Variants in GDF15 observed in about 807,000 individuals in gnomAD.
GDF15 encodes the protein growth/differentiation factor 15.
A neutral mutation model predicts 8.9 loss-of-function variants in GDF15; 10 were observed. That is an observed-to-expected ratio of 1.12 (90% CI 0.69 to 1.90). The LOEUF (loss-of-function observed/expected upper bound fraction) is 1.90. GDF15 is among the 40% of genes most tolerant of loss of function. The pLI is 0.00. For synonymous variants in GDF15, 228 were observed against 210.6 expected, an observed-to-expected ratio of 1.08 and a Z score of -0.72; for missense variants, 452 against 434.2, an observed-to-expected ratio of 1.04 and a Z score of -0.36.
rs751869658 is a variant in GDF15, at chr19:18,388,521, A to G, written c.513A>G (p.Ala171=). 1.1e-5 allele frequency: 17 copies of G among 1,600,154 alleles called. No homozygotes were observed. Among genetic ancestry groups the G allele is most frequent in the Non-Finnish European group, 1.3e-5 (15 of 1,175,804 alleles). ...PPPSQSDQLL[A]ESSSARPQLE... ...CGTCGCAGTCGGACCAACTGCTGGC[A>G]GAATCTTCGTCCGCACGGCCCCAGC... Residue 171 remains alanine (A), a synonymous_variant, in exon 2 of 2, where the codon GCA becomes GCG. Coordinates refer to ENST00000252809, the MANE Select transcript of GDF15 (RefSeq NM_004864.4). This position sits in a 1 kb window ranked among gnomAD's most constrained non-coding sequence, Gnocchi z 4.2.
rs754659172 is a variant in GDF15, at chr19:18,388,529, C to T, written c.521C>T (p.Ser174Leu). Residue 174 changes from serine to leucine, a missense_variant, in exon 2 of 2, where the codon TCG becomes TTG. Ser to Leu is a moderately radical substitution (Grantham distance 145). Transcript: ENST00000252809. This position sits in a 1 kb window ranked among gnomAD's most constrained non-coding sequence, Gnocchi z 4.2. ...SQSDQLLAES[S>L]SARPQLELHL... is the part of the protein sequence containing the mutation. ...TCGGACCAACTGCTGGCAGAATCTT[C>T]GTCCGCACGGCCCCAGCTGGAGTTG... The T allele has an allele frequency of 1.1e-5, 17 of 1,598,058 alleles. No homozygotes were observed. The highest frequency in any genetic ancestry group is 4.5e-5 in the East Asian group (2 of 44,294).
In GDF15 at chr19:18,386,294, G is replaced by A. The variant is rs779481233; in HGVS notation, c.105G>A (p.Ala35=). ...PHGGALSLAE[A]SRASFPGPSE... ...GGGGCGCCCTGTCTCTGGCCGAGGC[G>A]AGCCGCGCAAGTTTCCCGGGACCCT... The change falls in exon 1 of 2, where the codon GCG becomes GCA. Residue 35 remains alanine, a synonymous_variant. Transcript: ENST00000252809. 29 of 1,613,988 alleles carry A rather than the reference G, an allele frequency of 1.8e-5. No homozygotes were observed. The African/African-American group carries it at 3.2e-4, about 18-fold the overall frequency.
chr19:18,386,664 T>A (rs1404996367), intron 1 of GDF15, 198 bp downstream of exon 1: 1 of 594,936 alleles, frequency 1.7e-6, no homozygotes, highest in Admixed American at 3.0e-5. Context: ...TGGGAGGTTA[T>A]AACCTGTCCC....
In GDF15 at chr19:18,388,321, A is replaced by G. The variant is rs1971854768; in HGVS notation, c.313A>G (p.Ile105Val). The change falls in exon 2 of 2, where the codon ATC becomes GTC. Residue 105 changes from isoleucine (I) to valine (V), a missense_variant. Transcript: ENST00000252809. This position sits in a 1 kb window ranked among gnomAD's most constrained non-coding sequence, Gnocchi z 4.2. ...LGSGGHLHLR[I>V]SRAALPEGLP... ...ATCCGGCGGCCACCTGCACCTGCGTATCTCTCGGGCCGCCCTTCCCGAGGG... is the reference window on the plus strand; with the variant it reads ...ATCCGGCGGCCACCTGCACCTGCGTGTCTCTCGGGCCGCCCTTCCCGAGGG... 1 of 1,610,626 alleles carries G rather than the reference A, an allele frequency of 6.2e-7. No individual in the cohort carries two copies. The highest frequency in any genetic ancestry group is 1.1e-5 in the South Asian group (1 of 90,926).
Position 18,388,392 on chromosome 19 carries a change from C to G in GDF15, c.384C>G (p.Ser128=), listed in dbSNP as rs1032127012. ...SRLHRALFRL[S]PTASRSWDVT... ...TTCACCGGGCTCTGTTCCGGCTGTC[C>G]CCGACGGCGTCAAGGTCGTGGGACG... is the stretch of plus-strand genomic sequence containing the variant. Residue 128 remains serine (S), a synonymous_variant, in exon 2 of 2, where the codon TCC becomes TCG. Transcript: ENST00000252809. The surrounding 1 kb of genome is among the most constrained non-coding windows in gnomAD (Gnocchi z 4.2). 7.4e-6 allele frequency: 12 copies of G among 1,611,622 alleles called. No individual in the cohort carries two copies. The highest frequency in any genetic ancestry group is 1.0e-5 in the Non-Finnish European group (12 of 1,179,584).
At position 18,388,333 on chromosome 19, in the gene GDF15, G is replaced by A. The variant is rs769647608; in HGVS notation, c.325G>A (p.Ala109Thr). The change falls in exon 2 of 2, where the codon GCC (alanine) becomes ACC (threonine). Residue 109 changes from alanine to threonine, a missense_variant. Coordinates refer to ENST00000252809, the MANE Select transcript of GDF15 (RefSeq NM_004864.4). This position sits in a 1 kb window ranked among gnomAD's most constrained non-coding sequence, Gnocchi z 4.2. ...CCTGCACCTGCGTATCTCTCGGGCC[G>A]CCCTTCCCGAGGGGCTCCCCGAGGC... Reference protein sequence around the residue: ...GHLHLRISRAALPEGLPEASR... With the variant: ...GHLHLRISRATLPEGLPEASR... The A allele has an allele frequency of 6.2e-7, 1 of 1,610,988 alleles. No homozygotes were observed.
chr19:18,388,708 G>A lies in GDF15; in HGVS notation c.700G>A (p.Glu234Lys). ...GWADWVLSPR[E>K]VQVTMCIGAC... The stretch of plus-strand genomic sequence containing the variant: ...GGCCGATTGGGTGCTGTCGCCACGG[G>A]AGGTGCAAGTGACCATGTGCATCGG... Residue 234 changes from glutamate (E) to lysine (K), a missense_variant, in exon 2 of 2, where the codon GAG (glutamate) becomes AAG (lysine). Transcript: ENST00000252809. This position sits in a 1 kb window ranked among gnomAD's most constrained non-coding sequence, Gnocchi z 4.2. 1 of 1,608,838 alleles carries A rather than the reference G, an allele frequency of 6.2e-7. No individual in the cohort carries two copies. Among genetic ancestry groups the A allele is most frequent in the Non-Finnish European group, 8.5e-7 (1 of 1,178,788 alleles).
In GDF15 at chr19:18,388,581, G is replaced by A. The variant is rs1244193646; in HGVS notation, c.573G>A (p.Gly191=). 1 of 1,599,784 alleles carries A rather than the reference G, an allele frequency of 6.3e-7. No individual in the cohort carries two copies. Among genetic ancestry groups the A allele is most frequent in the Non-Finnish European group, 8.5e-7 (1 of 1,176,604 alleles). The change falls in exon 2 of 2, where the codon GGG becomes GGA. Residue 191 remains glycine, a synonymous_variant. Coordinates refer to ENST00000252809, the MANE Select transcript of GDF15 (RefSeq NM_004864.4). The surrounding 1 kb of genome is among the most constrained non-coding windows in gnomAD (Gnocchi z 4.2). ...ELHLRPQAAR[G]RRRARARNGD... Reference sequence around the variant, plus strand: ...ACTTGCGGCCGCAAGCCGCCAGGGGGCGCCGCAGAGCGCGTGCGCGCAACG... The same window carrying A: ...ACTTGCGGCCGCAAGCCGCCAGGGGACGCCGCAGAGCGCGTGCGCGCAACG...
Position 18,386,395 on chromosome 19 carries a change from C to A in GDF15, c.206C>A (p.Ala69Asp). The A allele has an allele frequency of 6.2e-7, 1 of 1,613,930 alleles. No homozygotes were observed. The highest frequency in any genetic ancestry group is 1.3e-5 in the African/African-American group (1 of 75,052). ...GAGGACCTGCTAACCAGGCTGCGGG[C>A]CAACCAGAGCTGGGAAGATTCGAAC... The part of the protein sequence containing the change: ...RYEDLLTRLR[A>D]NQSWEDSNTD... Residue 69 changes from alanine (A) to aspartate (D), a missense_variant, in exon 1 of 2, where the codon GCC (alanine) becomes GAC (aspartate). Ala to Asp is a moderately radical substitution (Grantham distance 126). Coordinates refer to ENST00000252809, the MANE Select transcript of GDF15 (RefSeq NM_004864.4).
rs1386618349 is a variant in GDF15 at position 18,388,583 on chromosome 19, G to A, written c.575G>A (p.Arg192His). 1.9e-6 allele frequency: 3 copies of A among 1,600,048 alleles called. No individual in the cohort carries two copies. Among genetic ancestry groups the A allele is most frequent in the Non-Finnish European group, 2.5e-6 (3 of 1,176,718 alleles). The change falls in exon 2 of 2, where the codon CGC becomes CAC. Residue 192 changes from arginine to histidine, a missense_variant. Coordinates refer to ENST00000252809, the MANE Select transcript of GDF15 (RefSeq NM_004864.4). The surrounding 1 kb of genome is among the most constrained non-coding windows in gnomAD (Gnocchi z 4.2). The part of the protein sequence containing the change: ...LHLRPQAARG[R>H]RRARARNGDH... ...TTGCGGCCGCAAGCCGCCAGGGGGC[G>A]CCGCAGAGCGCGTGCGCGCAACGGG...
At position 18,386,279 on chromosome 19, in the gene GDF15, GTC is replaced by G; in HGVS notation, c.94_95del (p.Leu32GlyfsTer266). 3.1e-6 allele frequency: 5 copies of G among 1,614,096 alleles called. No individual in the cohort carries two copies. Among genetic ancestry groups the G allele is most frequent in the Non-Finnish European group, 4.2e-6 (5 of 1,180,032 alleles). On this transcript the variant is annotated frameshift_variant, in exon 1 of 2. Coordinates refer to ENST00000252809, the MANE Select transcript of GDF15 (RefSeq NM_004864.4). LOFTEE classifies it high-confidence loss of function. ...CGTGGCTGCCGCATGGGGGCGCCCT[GTC>G]TCTGGCCGAGGCGAGCCGCGCAAGT... ...LSWLPHGGALSLAEASRASFP... is the reference protein window; with the variant it reads ...LSWLPHGGALXLAEASRASFP...
chr19:18,388,550 A>C lies in GDF15; in HGVS notation c.542A>C (p.Glu181Ala). The C allele has an allele frequency of 6.3e-6, 10 of 1,597,700 alleles. No individual in the cohort carries two copies. The highest frequency in any genetic ancestry group is 8.5e-6 in the Non-Finnish European group (10 of 1,175,154). The change falls in exon 2 of 2, where the codon GAG (glutamate) becomes GCG (alanine). Residue 181 changes from glutamate to alanine, a missense_variant. Glu to Ala is a moderately radical substitution (Grantham distance 107). Transcript: ENST00000252809. This position sits in a 1 kb window ranked among gnomAD's most constrained non-coding sequence, Gnocchi z 4.2. ...AESSSARPQL[E>A]LHLRPQAARG... ...TCTTCGTCCGCACGGCCCCAGCTGG[A>C]GTTGCACTTGCGGCCGCAAGCCGCC...
chr19:18,388,674 C>A lies in GDF15; in HGVS notation c.666C>A (p.Asp222Glu). 6.2e-7 allele frequency: 1 copy of A among 1,605,252 alleles called. No individual in the cohort carries two copies. Residue 222 changes from aspartate to glutamate, a missense_variant, in exon 2 of 2, where the codon GAC becomes GAA. Asp to Glu is a conservative substitution (Grantham distance 45, BLOSUM62 2). Transcript: ENST00000252809. This position sits in a 1 kb window ranked among gnomAD's most constrained non-coding sequence, Gnocchi z 4.2. ...ACACGGTCCGCGCGTCGCTGGAAGA[C>A]CTGGGCTGGGCCGATTGGGTGCTGT... ...RLHTVRASLE[D>E]LGWADWVLSP...
chr19:18,387,664 GCA>G (rs1258718189), intron 1 of GDF15, among the ~76,000 whole-genome samples: 2 of 152,000 alleles, frequency 1.3e-5, no homozygotes, highest in Admixed American at 6.6e-5. Flanking sequence ...TGTGTGCCAG[GCA>G]CAGTGTCAAC....
chr19:18,389,148 G>C lies in GDF15; in HGVS notation c.*213G>C. ...AACTGTGTATTTATTTAAAACTCTG[G>C]TGATAAAAATAAAGCTGTCTGAACT... On this transcript the variant is annotated 3_prime_UTR_variant, in exon 2 of 2. Transcript: ENST00000252809. 2 of 459,774 alleles carry C rather than the reference G, an allele frequency of 4.3e-6. No individual in the cohort carries two copies. Among genetic ancestry groups the C allele is most frequent in the Non-Finnish European group, 3.8e-6 (1 of 260,756 alleles). 28.5% of individuals were successfully genotyped at this position (459,774 alleles called of 1,614,324 possible).
chr19:18,386,650 A>T lies in GDF15; in HGVS notation c.277+184A>T, dbSNP rs571510025. 2.9e-4 allele frequency: 174 copies of T among 603,116 alleles called. 1 individual carries two copies. The South Asian group carries it at 3.0e-3, about 10-fold the overall frequency. 37.4% of individuals were successfully genotyped at this position (603,116 alleles called of 1,614,324 possible). ...TAGCCGATGCCTGATTTGCACCCAC[A>T]ACGTGGGAGGTTATAACCTGTCCCC... On this transcript the variant is annotated intron_variant, in intron 1 of 1. Coordinates refer to ENST00000252809, the MANE Select transcript of GDF15 (RefSeq NM_004864.4).
Position 18,388,386 on chromosome 19 carries a change from G to T in GDF15, c.378G>T (p.Arg126=). 6.2e-7 allele frequency: 1 copy of T among 1,611,626 alleles called. No individual in the cohort carries two copies. Among genetic ancestry groups the T allele is most frequent in the Non-Finnish European group, 8.5e-7 (1 of 1,179,674 alleles). ...CCCGCCTTCACCGGGCTCTGTTCCG[G>T]CTGTCCCCGACGGCGTCAAGGTCGT... The part of the protein sequence containing the change: ...EASRLHRALF[R]LSPTASRSWD... The change falls in exon 2 of 2, where the codon CGG becomes CGT. Residue 126 remains arginine (R), a synonymous_variant. Coordinates refer to ENST00000252809, the MANE Select transcript of GDF15 (RefSeq NM_004864.4). This position sits in a 1 kb window ranked among gnomAD's most constrained non-coding sequence, Gnocchi z 4.2.
At position 18,388,602 on chromosome 19, in the gene GDF15, C is replaced by T; in HGVS notation, c.594C>T (p.Arg198=). Residue 198 remains arginine (R), a synonymous_variant, in exon 2 of 2, where the codon CGC becomes CGT. Transcript: ENST00000252809. The surrounding 1 kb of genome is among the most constrained non-coding windows in gnomAD (Gnocchi z 4.2). ...GGGGGCGCCGCAGAGCGCGTGCGCG[C>T]AACGGGGACCACTGTCCGCTCGGGC... ...AARGRRRARA[R]NGDHCPLGPG... 3.1e-6 allele frequency: 5 copies of T among 1,600,230 alleles called. No homozygotes were observed. The highest frequency in any genetic ancestry group is 4.2e-6 in the Non-Finnish European group (5 of 1,176,710).
Position 18,389,007 on chromosome 19 carries a change from C to A in GDF15, c.*72C>A. On this transcript the variant is annotated 3_prime_UTR_variant, in exon 2 of 2. Transcript: ENST00000252809. Reference sequence around the variant, plus strand: ...CAGTTGTCCTGCCCTGTGGAATGGGCTCAAGGTTCCTGAGACACCCGATTC... The same window carrying A: ...CAGTTGTCCTGCCCTGTGGAATGGGATCAAGGTTCCTGAGACACCCGATTC... 3 of 1,026,422 alleles carry A rather than the reference C, an allele frequency of 2.9e-6. No homozygotes were observed. Among genetic ancestry groups the A allele is most frequent in the Non-Finnish European group, 4.3e-6 (3 of 702,284 alleles). The allele number at this position is 1,026,422 out of a possible 1,614,324, so 63.6% of individuals were successfully genotyped here.
Sources: allele counts gnomAD v4.1 joint callset (sites outside exome capture counted in the v4.1 genomes callset), GRCh38; gene constraint gnomAD v4.1.1; non-coding constraint Gnocchi (gnomAD v3.1); transcripts MANE v1.5; gene names NCBI Gene and HGNC (gene_info 2026-07-23, HGNC 2026-07-21).